Variants in OPCML observed in about 807,000 individuals in gnomAD.
The protein encoded by OPCML is opioid binding protein/cell adhesion molecule like, also known as opioid-binding protein/cell adhesion molecule.
A neutral mutation model predicts 37.8 loss-of-function variants in OPCML; 13 were observed. That is an observed-to-expected ratio of 0.34 (90% confidence interval 0.22 to 0.55). OPCML has a LOEUF of 0.55. OPCML is among the 20% of genes least tolerant of loss of function. OPCML has a pLI of 0.91. For synonymous variants in OPCML, 176 were observed against 168.8 expected, an observed-to-expected ratio of 1.04 and a Z score of -0.33; for missense variants, 341 against 435.6, an observed-to-expected ratio of 0.78 and a Z score of 1.93.
chr11:133,149,163 A>T (rs1176493718), intron 1 of OPCML, among the ~76,000 whole-genome samples: 1 of 152,148 alleles, frequency 6.6e-6, no homozygotes, highest in Non-Finnish European at 1.5e-5. Flanking sequence ...TTCATCTCTG[A>T]AGGTCTGTTA....
chr11:133,109,690 T>C lies in OPCML; in HGVS notation c.62-166680A>G, dbSNP rs193013119. Among the ~76,000 whole-genome samples the C allele has an allele frequency of 1.2e-4, 18 of 152,320 alleles. No individual in the cohort carries two copies. The East Asian group carries it at 1.9e-3, about 16-fold the overall frequency. ...ACCATGACCCCAAAAGAGTGCTTTT[T>C]GGGTAGTCTACCTGGTGACCTGACC... On this transcript the variant is annotated intron_variant, in intron 1 of 7. Coordinates refer to ENST00000524381, the MANE Select transcript of OPCML (RefSeq NM_001012393.5).
Position 132,415,548 on chromosome 11 carries a change from CG to C in OPCML, c.*4644del, listed in dbSNP as rs1592143161. ...TAGAATGTAGCCTCAAAAGGATGGT[CG>C]AGGGTTCGCAATCTTTCTTTCTCCA... On this transcript the variant is annotated 3_prime_UTR_variant, in exon 8 of 8. Transcript: ENST00000524381. 6.6e-6 allele frequency: 1 copy of C among 152,150 alleles called. No individual in the cohort carries two copies. The highest frequency in any genetic ancestry group is 2.1e-4 in the South Asian group (1 of 4,826). The allele number at this position is 152,150 out of a possible 1,614,324, so 9.4% of individuals were successfully genotyped here. A position where few individuals can be genotyped will look rare whatever the true frequency, so the allele number is the denominator to read the frequency against.
chr11:133,385,460 G>A (rs538146053), intron 1 of OPCML, among the ~76,000 whole-genome samples: 34 of 152,150 alleles, frequency 2.2e-4, no homozygotes, highest in East Asian at 1.2e-3. Flanking sequence ...AGGCTTGGTC[G>A]TCCGGCAGAC....
intron 4 of OPCML, among the ~76,000 whole-genome samples, chr11:132,492,497 GTGT>G (rs1260741580): frequency 2.0e-5 from 3 of 152,234 alleles, no homozygotes; most frequent in South Asian, 4.1e-4. Context: ...AAAGAATGGA[GTGT>G]TGTTGTTGTC....
intron 1 of OPCML, chr11:133,003,876 C>T: frequency 2.0e-6 from 2 of 985,408 alleles, no homozygotes; most frequent in Middle Eastern, 5.2e-4. Flanking sequence ...GCCCTCGACC[C>T]CTTTTGACAG....
At chr11:133,147,844 A>C (rs976068629) in intron 1 of OPCML, among the ~76,000 whole-genome samples, 8 of 152,164 alleles carry the variant, frequency 5.3e-5, no homozygotes, top group African/African-American at 1.9e-4. Flanking sequence ...GCTAGTTCAT[A>C]ACCTCTGTTA....
intron 2 of OPCML, among the ~76,000 whole-genome samples, chr11:132,780,640 G>A (rs1277034796): frequency 1.3e-5 from 2 of 152,196 alleles, no homozygotes. Flanking sequence ...GAATGTAACA[G>A]GTAAAGATTT....
intron 2 of OPCML, chr11:132,859,210 G>C (rs1169853495): frequency 2.0e-5 from 3 of 152,198 alleles, no homozygotes; most frequent in African/African-American, 7.2e-5. Context: ...GCAGACTGAA[G>C]GAAGGAGTGG....
chr11:132,783,697 T>C (rs2136158648), intron 2 of OPCML, among the ~76,000 whole-genome samples: 1 of 151,388 alleles, frequency 6.6e-6, no homozygotes, highest in East Asian at 2.0e-4. Context: ...CCTAATAATA[T>C]ATCCTTTCAA....
At chr11:133,160,679 G>A (rs1397929761) in intron 1 of OPCML, among the ~76,000 whole-genome samples, 1 of 152,208 alleles carries the variant, frequency 6.6e-6, no homozygotes, top group Non-Finnish European at 1.5e-5. Flanking sequence ...ACGCTGCTCT[G>A]GTGCAGCATC....
At chr11:133,418,290 T>C (rs1439514020) in intron 1 of OPCML, 1 of 985,300 alleles carries the variant, frequency 1.0e-6, no homozygotes, top group Non-Finnish European at 1.2e-6. Flanking sequence ...GGGAGGTTTA[T>C]GAAGGAAGGG....
chr11:132,514,606 T>C (rs4381381), intron 4 of OPCML, among the ~76,000 whole-genome samples: 35,225 of 151,928 alleles, frequency 0.23, 4,073 homozygotes, highest in African/African-American at 0.24. Flanking sequence ...TTAGACAGAA[T>C]CAGAGGTGCA....
At chr11:133,079,811 T>C (rs1335288436) in intron 1 of OPCML, among the ~76,000 whole-genome samples, 1 of 152,052 alleles carries the variant, frequency 6.6e-6, no homozygotes, top group Non-Finnish European at 1.5e-5. Context: ...ACCTCCCGCA[T>C]CCCCCAACCT....
At chr11:132,913,615 T>C (rs1944500575) in intron 2 of OPCML, among the ~76,000 whole-genome samples, 1 of 152,118 alleles carries the variant, frequency 6.6e-6, no homozygotes, top group Non-Finnish European at 1.5e-5. Context: ...CTCAGTCCAG[T>C]ATAGTGCCGT....
chr11:132,543,764 G>A (rs536806829), intron 3 of OPCML, among the ~76,000 whole-genome samples: 6 of 152,016 alleles, frequency 3.9e-5, no homozygotes, highest in South Asian at 4.2e-4. Context: ...ATACCGCCAC[G>A]TTTTTTCCCC....
intron 1 of OPCML, among the ~76,000 whole-genome samples, chr11:133,443,932 C>G (rs1488477604): frequency 6.6e-6 from 1 of 152,120 alleles, no homozygotes; most frequent in African/African-American, 2.4e-5. Context: ...AACATAGACT[C>G]TCTGTCTCCA....
In OPCML at chr11:133,482,032, G is replaced by T. The variant is rs116319384; in HGVS notation, c.61+50232C>A. 4.4e-3 allele frequency among the ~76,000 whole-genome samples: 672 copies of T among 152,292 alleles called. 5 individuals are homozygous for T. Among genetic ancestry groups the T allele is most frequent in the African/African-American group, 0.015 (624 of 41,550 alleles). ...GCAGTCTCCATAAAGCAGAAACCTG[G>T]GCACTTAGAGGAATCGGAATCAGAG... On this transcript the variant is annotated intron_variant, in intron 1 of 7. Transcript: ENST00000524381.
At chr11:133,332,433 A>C (rs574878273) in intron 1 of OPCML, among the ~76,000 whole-genome samples, 85 of 152,200 alleles carry the variant, frequency 5.6e-4, no homozygotes, top group African/African-American at 2.0e-3. Context: ...CTCTTGCCTG[A>C]ATGATTTGGC....
intron 1 of OPCML, among the ~76,000 whole-genome samples, chr11:133,036,220 T>A (rs533227255): frequency 6.6e-6 from 1 of 152,296 alleles, no homozygotes; most frequent in East Asian, 1.9e-4. Flanking sequence ...TTAAGTGCAA[T>A]GGTATCGAGT....
Sources: allele counts gnomAD v4.1 joint callset (sites outside exome capture counted in the v4.1 genomes callset), GRCh38; gene constraint gnomAD v4.1.1; transcripts MANE v1.5; gene names NCBI Gene and HGNC (gene_info 2026-07-23, HGNC 2026-07-21).